Variants in DPP10 observed in about 807,000 individuals in gnomAD.
The protein encoded by DPP10 is dipeptidyl peptidase like 10, also known as inactive dipeptidyl peptidase 10.
A neutral mutation model predicts 120.9 loss-of-function variants in DPP10; 33 were observed. The observed-to-expected ratio is 0.27, with a 90% CI of 0.21 to 0.37. The LOEUF (loss-of-function observed/expected upper bound fraction) is 0.37. Ranked by LOEUF, DPP10 falls within the 10% of genes least tolerant of loss-of-function variation. DPP10 has a pLI of 1.00. For missense variants in DPP10, 816 were observed against 942.8 expected, an observed-to-expected ratio of 0.87 and a Z score of 1.76; for synonymous variants, 337 against 326.1, an observed-to-expected ratio of 1.03 and a Z score of -0.36.
intron 10 of DPP10, among the ~76,000 whole-genome samples, chr2:115,751,195 GTACT>G (rs1275743734): frequency 3.3e-5 from 5 of 152,074 alleles, no homozygotes; most frequent in East Asian, 1.9e-4. Flanking sequence ...ATTATTTATA[GTACT>G]TACTATCATT....
At chr2:114,516,262 A>G (rs1324533360) in intron 1 of DPP10, among the ~76,000 whole-genome samples, 2 of 152,236 alleles carry the variant, frequency 1.3e-5, no homozygotes, top group Admixed American at 6.5e-5. Flanking sequence ...TGTTATGGGC[A>G]AATTCGGGAG....
At chr2:115,230,528 CTTTTA>C (rs1444103297) in intron 1 of DPP10, among the ~76,000 whole-genome samples, 4 of 151,886 alleles carry the variant, frequency 2.6e-5, no homozygotes, top group African/African-American at 7.2e-5. Context: ...GTTGTATCTA[CTTTTA>C]TTTTATTTTA....
intron 1 of DPP10, among the ~76,000 whole-genome samples, chr2:115,260,805 T>C (rs1405703448): frequency 6.6e-6 from 1 of 152,178 alleles, no homozygotes; most frequent in Non-Finnish European, 1.5e-5. Flanking sequence ...ACTAAAACTT[T>C]GAGTGGGGCA....
chr2:115,619,365 G>T (rs1193164441), intron 5 of DPP10, among the ~76,000 whole-genome samples: 1 of 152,004 alleles, frequency 6.6e-6, no homozygotes, highest in African/African-American at 2.4e-5. Flanking sequence ...GTGAGCCATC[G>T]TGCCTGGCCC....
intron 1 of DPP10, among the ~76,000 whole-genome samples, chr2:114,693,826 G>C (rs1699912394): frequency 6.6e-6 from 1 of 151,672 alleles, no homozygotes; most frequent in Non-Finnish European, 1.5e-5. Flanking sequence ...ATTTCAGAAA[G>C]ATAGTCTTCA....
intron 1 of DPP10, among the ~76,000 whole-genome samples, chr2:114,946,848 G>T (rs1697381081): frequency 6.6e-6 from 1 of 151,750 alleles, no homozygotes; most frequent in Non-Finnish European, 1.5e-5. Context: ...TGCTGTAAGG[G>T]TTATATAGAA....
intron 5 of DPP10, among the ~76,000 whole-genome samples, chr2:115,553,504 AATAAAT>A (rs2080008531): frequency 6.6e-6 from 1 of 152,084 alleles, no homozygotes; most frequent in Non-Finnish European, 1.5e-5. Flanking sequence ...ACCTTGAATG[AATAAAT>A]ATAATGATAT....
At chr2:114,517,245 G>A (rs1684665867) in intron 1 of DPP10, among the ~76,000 whole-genome samples, 1 of 152,210 alleles carries the variant, frequency 6.6e-6, no homozygotes, top group Non-Finnish European at 1.5e-5. Context: ...GTATGGCTGG[G>A]CACAGTGGCT....
intron 2 of DPP10, among the ~76,000 whole-genome samples, chr2:115,329,585 G>A (rs920231337): frequency 4.0e-5 from 6 of 151,662 alleles, no homozygotes; most frequent in Admixed American, 6.6e-5. Flanking sequence ...ATCCCTCCCC[G>A]CTCCCCCTAC....
intron 5 of DPP10, among the ~76,000 whole-genome samples, chr2:115,557,193 T>C (rs1446012813): frequency 2.0e-5 from 3 of 152,144 alleles, no homozygotes; most frequent in South Asian, 2.1e-4. Context: ...ACTGAATTTC[T>C]AGGTGTAATA....
At chr2:114,565,006 G>T (rs1345391155) in intron 1 of DPP10, among the ~76,000 whole-genome samples, 2 of 152,144 alleles carry the variant, frequency 1.3e-5, no homozygotes, top group African/African-American at 4.8e-5. Context: ...TGCCTTCAGG[G>T]AACACTGCAG....
intron 1 of DPP10, among the ~76,000 whole-genome samples, chr2:114,899,738 A>G (rs990620740): frequency 5.9e-5 from 9 of 152,134 alleles, no homozygotes; most frequent in South Asian, 2.1e-4. Context: ...TGGGCAGATC[A>G]CGAGGTCAGG....
chr2:115,022,632 C>T (rs919816009), intron 1 of DPP10, among the ~76,000 whole-genome samples: 1 of 151,850 alleles, frequency 6.6e-6, no homozygotes, highest in African/African-American at 2.4e-5. Context: ...TCGTTCTCCA[C>T]AGAACTAGAA....
chr2:114,735,930 T>C (rs1020204531), intron 1 of DPP10, among the ~76,000 whole-genome samples: 1 of 152,090 alleles, frequency 6.6e-6, no homozygotes, highest in African/African-American at 2.4e-5. Flanking sequence ...TGTATATTTG[T>C]TTCTTCACTA....
chr2:115,557,525 T>G (rs1394970594), intron 5 of DPP10, among the ~76,000 whole-genome samples: 1 of 152,222 alleles, frequency 6.6e-6, no homozygotes, highest in East Asian at 1.9e-4. Context: ...TTCTATTGCC[T>G]TAACCCTGTC....
At chr2:115,802,611 A>G (rs902653348) in intron 19 of DPP10, among the ~76,000 whole-genome samples, 4 of 152,160 alleles carry the variant, frequency 2.6e-5, no homozygotes, top group Admixed American at 6.5e-5. Flanking sequence ...AATGTGTCCC[A>G]GAGATTCTGG....
intron 2 of DPP10, among the ~76,000 whole-genome samples, chr2:115,321,165 G>A (rs1409697500): frequency 6.6e-6 from 1 of 152,096 alleles, no homozygotes; most frequent in Non-Finnish European, 1.5e-5. Flanking sequence ...GCTGGGTCTG[G>A]TGGTGGGAGC....
chr2:114,467,340 A>T (rs987923829), intron 1 of DPP10, among the ~76,000 whole-genome samples: 4 of 152,234 alleles, frequency 2.6e-5, no homozygotes, highest in African/African-American at 9.6e-5. Flanking sequence ...TTAAGAAGAC[A>T]ACCAGTTTTC....
chr2:115,634,795 C>T (rs2086185268), intron 5 of DPP10, among the ~76,000 whole-genome samples: 1 of 152,200 alleles, frequency 6.6e-6, no homozygotes, highest in South Asian at 2.1e-4. Context: ...TGCCCAGATT[C>T]CTCAAAGCCA....
Sources: gnomAD v4.1 joint callset for allele counts (sites outside exome capture counted in the v4.1 genomes callset) on GRCh38, gnomAD v4.1.1 for gene constraint, MANE v1.5 for transcripts, NCBI Gene and HGNC (gene_info 2026-07-23, HGNC 2026-07-21) for gene names.